PPP6R2: variants seen among roughly 807,000 people sequenced by gnomAD.
PPP6R2 encodes the protein serine/threonine-protein phosphatase 6 regulatory subunit 2.
PPP6R2 carries 62 observed loss-of-function variants against 100.2 expected under a neutral mutation model. That is an observed-to-expected ratio of 0.62 (90% confidence interval 0.50 to 0.76). The LOEUF is 0.76. Ranked by LOEUF, PPP6R2 falls within the 30% of genes least tolerant of loss-of-function variation. The pLI is 0.00. For synonymous variants in PPP6R2, 525 were observed against 514.7 expected (o/e 1.02, Z -0.27); for missense variants, 1,142 against 1,276.3 (o/e 0.89, Z 1.60).
chr22:50,443,697 G>A (rs62241891), intron 22 of PPP6R2, 169 bp from the exon 23 acceptor site: 57,293 of 932,196 alleles, frequency 0.061, 2,218 homozygotes, highest in Non-Finnish European at 0.076. Flanking sequence ...CAGCAGAGCT[G>A]CCTAGCTGGG....
chr22:50,355,490 A>G (rs1366810772), intron 1 of PPP6R2, among the ~76,000 whole-genome samples: 2 of 148,998 alleles, frequency 1.3e-5, no homozygotes, highest in African/African-American at 2.5e-5. Context: ...TGGCCTTCCA[A>G]AGTGCTGGGA....
chr22:50,410,145 C>T (rs1480580950), intron 4 of PPP6R2, among the ~76,000 whole-genome samples: 1 of 151,908 alleles, frequency 6.6e-6, no homozygotes, highest in Non-Finnish European at 1.5e-5. Flanking sequence ...TACATTCTCC[C>T]TCTCCATACC....
chr22:50,333,683 C>G, the PPP6R2 span, among the ~76,000 whole-genome samples: 3 of 152,144 alleles, frequency 2.0e-5, no homozygotes, highest in Admixed American at 6.6e-5. Context: ...TAGGGTCCAG[C>G]CCTACAGGGC....
At chr22:50,397,969 G>A (rs952689205) in intron 3 of PPP6R2, among the ~76,000 whole-genome samples, 2 of 142,922 alleles carry the variant, frequency 1.4e-5, no homozygotes, top group Non-Finnish European at 3.1e-5. Flanking sequence ...CTTGGGATGG[G>A]GGCAGGGGGG....
Position 50,440,828 on chromosome 22 carries a change from C to G in PPP6R2, c.2381C>G (p.Pro794Arg). 6.2e-7 allele frequency: 1 copy of G among 1,613,324 alleles called. No homozygotes were observed. Among genetic ancestry groups the G allele is most frequent in the Non-Finnish European group, 8.5e-7 (1 of 1,179,998 alleles). ...CAGGCCTCCTACTTTGCAGTCAGCC[C>G]GGCTTCTCCATGTGCCTGGAACGTG... The part of the protein sequence containing the change: ...RSQGPEKAFS[P>R]ASPCAWNVCV... The change falls in exon 22 of 24, where the codon CCG becomes CGG. Residue 794 changes from proline to arginine, a missense_variant. Physicochemically the swap from Pro to Arg is moderately radical, Grantham distance 103. Coordinates refer to ENST00000612753, the MANE Select transcript of PPP6R2 (RefSeq NM_001242898.2).
intron 6 of PPP6R2, among the ~76,000 whole-genome samples, chr22:50,418,635 C>T (rs1442242236): frequency 6.6e-6 from 1 of 151,968 alleles, no homozygotes; most frequent in African/African-American, 2.4e-5. Context: ...ATCTGCCTGC[C>T]TTGGCCTCCC....
intron 17 of PPP6R2, 44 bp downstream of exon 17, chr22:50,437,944 G>A (rs2064740760): frequency 6.4e-7 from 1 of 1,564,214 alleles, no homozygotes; most frequent in Non-Finnish European, 8.7e-7. Context: ...CCTTTTCCCA[G>A]GCAGCTCAGG....
upstream of PPP6R2, among the ~76,000 whole-genome samples, chr22:50,338,832 TG>T (rs2042334077): frequency 7.6e-6 from 1 of 131,092 alleles, no homozygotes; most frequent in Non-Finnish European, 1.6e-5. Flanking sequence ...GTAGGGTGTG[TG>T]GTGTGTGTGT....
At chr22:50,342,015 G>A (rs116968916), upstream of PPP6R2, among the ~76,000 whole-genome samples, 894 of 151,822 alleles carry the variant, frequency 5.9e-3, 23 homozygotes, top group South Asian at 0.093. Context: ...GAGGAGGAGA[G>A]GGGCTCCTGC....
At chr22:50,410,214 G>T (rs112430043) in intron 4 of PPP6R2, among the ~76,000 whole-genome samples, 15,631 of 152,040 alleles carry the variant, frequency 0.1, 1,049 homozygotes, top group Middle Eastern at 0.18. Flanking sequence ...GCTGTAGTTG[G>T]GTCTGACAAA....
rs1374032287 is a variant in PPP6R2, at chr22:50,395,796, G to A, written c.227+1661G>A. Among the ~76,000 whole-genome samples, 3 of 151,758 alleles carry A rather than the reference G, an allele frequency of 2.0e-5. No individual in the cohort carries two copies. The East Asian group carries it at 5.9e-4, about 30-fold the overall frequency. On this transcript the variant is annotated intron_variant, in intron 3 of 23. Transcript: ENST00000612753. ...TGCACAGGCTGGTTTCAGACTCCTG[G>A]GCTCAAGCAATCCACCCACCTCGGC...
chr22:50,339,716 TAG>T (rs2042347937), upstream of PPP6R2, among the ~76,000 whole-genome samples: 1 of 136,162 alleles, frequency 7.3e-6, no homozygotes, highest in African/African-American at 2.8e-5. Flanking sequence ...GTGGTGTGTG[TAG>T]GGTGTGTGTT....
chr22:50,421,269 T>C (rs7511461), intron 8 of PPP6R2, among the ~76,000 whole-genome samples: 58,552 of 152,122 alleles, frequency 0.38, 11,699 homozygotes, highest in East Asian at 0.67. Context: ...CTTAACCCTG[T>C]ATGTGATAGA....
chr22:50,415,367 C>G (rs1276199662), intron 5 of PPP6R2, among the ~76,000 whole-genome samples: 1 of 152,234 alleles, frequency 6.6e-6, no homozygotes, highest in Non-Finnish European at 1.5e-5. Flanking sequence ...AGTAATGCTT[C>G]CTCAGGGAGG....
At chr22:50,349,293 G>T (rs2044457311) in intron 1 of PPP6R2, among the ~76,000 whole-genome samples, 1 of 150,476 alleles carries the variant, frequency 6.6e-6, no homozygotes, top group Admixed American at 6.7e-5. Flanking sequence ...AGCCTGGGGA[G>T]GTCAAGGCTG....
At chr22:50,443,089 A>G (rs4824135) in intron 22 of PPP6R2, 65,637 of 151,718 alleles carry the variant, frequency 0.43, 15,306 homozygotes, top group Non-Finnish European at 0.51. Context: ...CGCTTGAACC[A>G]GTGAGCCGAG....
At chr22:50,390,815 A>G (rs1169226954) in intron 2 of PPP6R2, among the ~76,000 whole-genome samples, 1 of 151,708 alleles carries the variant, frequency 6.6e-6, no homozygotes, top group Non-Finnish European at 1.5e-5. Flanking sequence ...CCTGACTAAC[A>G]TGGTAAAACC....
intron 2 of PPP6R2, among the ~76,000 whole-genome samples, chr22:50,372,463 C>T (rs556302617): frequency 2.8e-4 from 43 of 152,010 alleles, no homozygotes; most frequent in Non-Finnish European, 5.3e-4. Flanking sequence ...GCAGGAGAAT[C>T]GCTTGAATCC....
intron 3 of PPP6R2, among the ~76,000 whole-genome samples, chr22:50,401,687 G>A (rs898232265): frequency 4.6e-5 from 7 of 151,126 alleles, no homozygotes; most frequent in Non-Finnish European, 1.0e-4. Context: ...CTGTCGCCCA[G>A]GCTGGAATGC....
Sources: allele counts gnomAD v4.1 joint callset (sites outside exome capture counted in the v4.1 genomes callset), GRCh38; gene constraint gnomAD v4.1.1; transcripts MANE v1.5; gene names NCBI Gene and HGNC (gene_info 2026-07-23, HGNC 2026-07-21).